UNC13C: variants seen among roughly 807,000 people sequenced by gnomAD.
UNC13C encodes protein unc-13 homolog C.
A neutral mutation model predicts 245.4 loss-of-function variants in UNC13C; 174 were observed. That is an observed-to-expected ratio of 0.71 (90% CI 0.63 to 0.80). UNC13C has a LOEUF of 0.80. UNC13C is among the 30% of genes least tolerant of loss of function. The probability of loss-of-function intolerance (pLI) is 0.00; values close to 1 mark genes in which losing one functional copy is unlikely to be tolerated. For synonymous variants in UNC13C, 992 were observed against 895.1 expected (o/e 1.11, Z -1.93); for missense variants, 2,829 against 2,602.9 (o/e 1.09, Z -1.89).
intron 4 of UNC13C, among the ~76,000 whole-genome samples, chr15:54,187,095 T>A (rs7174100): frequency 4.6e-5 from 7 of 151,948 alleles, no homozygotes; most frequent in East Asian, 3.9e-4. Flanking sequence ...TGATCTGCCC[T>A]CCTTGGCATC....
At chr15:54,526,460 G>A (rs1377292925) in intron 25 of UNC13C, among the ~76,000 whole-genome samples, 3 of 152,012 alleles carry the variant, frequency 2.0e-5, no homozygotes, top group Non-Finnish European at 4.4e-5. Context: ...GGCCGGGTAC[G>A]GTGGCTTATG....
chr15:54,309,622 G>C lies in UNC13C; in HGVS notation c.4268+9249G>C, dbSNP rs181560209. ...TTTTCCTCTATGTTTTCTTCTAGTA[G>C]TTTTATAGTTTTGGGTCTTACATTC... On this transcript the variant is annotated intron_variant, in intron 13 of 32. Coordinates refer to ENST00000260323, the MANE Select transcript of UNC13C (RefSeq NM_001080534.3). Among the ~76,000 whole-genome samples, 465 of 151,878 alleles carry C rather than the reference G, an allele frequency of 3.1e-3. 3 individuals are homozygous for C. Among genetic ancestry groups the C allele is most frequent in the African/African-American group, 0.011 (451 of 41,496 alleles).
At chr15:53,979,545 T>A (rs192956690) in intron 1 of UNC13C, among the ~76,000 whole-genome samples, 5 of 152,328 alleles carry the variant, frequency 3.3e-5, no homozygotes, top group Admixed American at 3.3e-4. Context: ...TCTAAAAAAA[T>A]CCCTTTGGTC....
intron 1 of UNC13C, among the ~76,000 whole-genome samples, chr15:53,999,627 T>C (rs1183401429): frequency 2.0e-5 from 3 of 152,076 alleles, no homozygotes; most frequent in East Asian, 3.8e-4. Context: ...TGCTCTTTTT[T>C]TGACAGCTTC....
At chr15:53,928,793 A>AC in the UNC13C span, among the ~76,000 whole-genome samples, 1 of 152,148 alleles carries the variant, frequency 6.6e-6, no homozygotes, top group East Asian at 1.9e-4. Flanking sequence ...TTAGCATTTC[A>AC]CCCACTGTAT....
At chr15:54,107,845 G>A (rs60627643) in intron 2 of UNC13C, among the ~76,000 whole-genome samples, 3,152 of 152,212 alleles carry the variant, frequency 0.021, 95 homozygotes, top group African/African-American at 0.068. Flanking sequence ...CTATGATTAT[G>A]TAAGAACTAT....
intron 19 of UNC13C, among the ~76,000 whole-genome samples, chr15:54,489,478 A>C (rs539446365): frequency 1.3e-5 from 2 of 152,330 alleles, no homozygotes; most frequent in Admixed American, 6.5e-5. Flanking sequence ...AGACAGCCTC[A>C]ATGTATGTGT....
At chr15:53,880,733 A>T in the UNC13C span, among the ~76,000 whole-genome samples, 47 of 151,094 alleles carry the variant, frequency 3.1e-4, no homozygotes, top group Non-Finnish European at 5.6e-4. Flanking sequence ...ACAAAGAAAG[A>T]GTCTGAAAGG....
At chr15:54,237,815 A>T in intron 7 of UNC13C, 125 bp downstream of exon 7, 2 of 806,804 alleles carry the variant, frequency 2.5e-6, no homozygotes, top group Non-Finnish European at 2.0e-6. Context: ...AACTGGGAGC[A>T]TGAGGAAAGC....
intron 2 of UNC13C, among the ~76,000 whole-genome samples, chr15:54,058,764 T>A (rs1290207295): frequency 2.6e-5 from 4 of 152,180 alleles, no homozygotes; most frequent in African/African-American, 9.7e-5. Flanking sequence ...TTATCCACCA[T>A]GATCATGTGG....
At chr15:53,996,124 CCATTAAGAGAA>C (rs1894621579) in intron 1 of UNC13C, among the ~76,000 whole-genome samples, 1 of 152,078 alleles carries the variant, frequency 6.6e-6, no homozygotes, top group Non-Finnish European at 1.5e-5. Context: ...AGAAGTGATT[CCATTAAGAGAA>C]CAGGAAGAGA....
chr15:54,359,740 T>C (rs760840003), intron 17 of UNC13C, among the ~76,000 whole-genome samples: 5 of 151,950 alleles, frequency 3.3e-5, no homozygotes, highest in Non-Finnish European at 7.4e-5. Flanking sequence ...GAGTCTTCTC[T>C]CTTTTGTACT....
chr15:54,562,074 A>G (rs1286047556), intron 29 of UNC13C, among the ~76,000 whole-genome samples: 1 of 152,010 alleles, frequency 6.6e-6, no homozygotes, highest in Non-Finnish European at 1.5e-5. Flanking sequence ...AGTTAGATGC[A>G]ATGGCAGGAA....
chr15:54,569,686 A>G (rs1422888583), intron 30 of UNC13C, among the ~76,000 whole-genome samples: 1 of 152,052 alleles, frequency 6.6e-6, no homozygotes, highest in Non-Finnish European at 1.5e-5. Flanking sequence ...AACATTAAAA[A>G]CATATGGGAA....
intron 2 of UNC13C, among the ~76,000 whole-genome samples, chr15:54,088,744 A>G (rs761397916): frequency 6.6e-6 from 1 of 152,194 alleles, no homozygotes; most frequent in Admixed American, 6.5e-5. Flanking sequence ...GACAGTGGAG[A>G]CAATGTGATG....
chr15:54,555,648 G>A, intron 29 of UNC13C, 136 bp downstream of exon 29: 1 of 656,304 alleles, frequency 1.5e-6, no homozygotes, highest in Non-Finnish European at 2.6e-6. Context: ...ATAGATATAG[G>A]TTGGTGCAAT....
At chr15:53,997,655 T>C (rs2140969545) in intron 1 of UNC13C, among the ~76,000 whole-genome samples, 1 of 152,238 alleles carries the variant, frequency 6.6e-6, no homozygotes, top group East Asian at 1.9e-4. Context: ...AAAATTAAAG[T>C]TATCTATACA....
At chr15:53,941,069 C>T in the UNC13C span, among the ~76,000 whole-genome samples, 5 of 152,112 alleles carry the variant, frequency 3.3e-5, no homozygotes, top group Non-Finnish European at 5.9e-5. Context: ...TACAAGGCTA[C>T]AGTAACCAAG....
intron 17 of UNC13C, among the ~76,000 whole-genome samples, chr15:54,386,710 G>A (rs1007742620): frequency 6.6e-6 from 1 of 152,128 alleles, no homozygotes; most frequent in African/African-American, 2.4e-5. Context: ...TCATTTGTAT[G>A]TTCAGTCTTC....
Sources: allele counts gnomAD v4.1 joint callset (sites outside exome capture counted in the v4.1 genomes callset), GRCh38; gene constraint gnomAD v4.1.1; transcripts MANE v1.5; gene names NCBI Gene and HGNC (gene_info 2026-07-23, HGNC 2026-07-21).